The following NXPE2 variants were observed in gnomAD, a reference collection of about 807,000 sequenced individuals.
NXPE2 encodes the protein neurexophilin and PC-esterase domain family member 2.
Under a neutral mutation model 34.4 loss-of-function variants are expected in NXPE2, and 34 were observed. The ratio of observed to expected loss-of-function variants is 0.99; its 90% CI spans 0.75 to 1.31. The LOEUF is 1.31. NXPE2 is among the 40% of genes most tolerant of loss of function. The probability of loss-of-function intolerance (pLI) is 0.00; values close to 1 mark genes in which losing one functional copy is unlikely to be tolerated. For missense variants in NXPE2, 649 were observed against 672.5 expected, an observed-to-expected ratio of 0.97 and a Z score of 0.39; for synonymous variants, 235 against 231.3, an observed-to-expected ratio of 1.02 and a Z score of -0.15.
chr11:114,499,812 G>A, the NXPE2 span, among the ~76,000 whole-genome samples: 1 of 152,044 alleles, frequency 6.6e-6, no homozygotes, highest in Non-Finnish European at 1.5e-5. Flanking sequence ...GCTGATTTCT[G>A]TCCCTACTGA....
chr11:114,561,416 A>G, the NXPE2 span, among the ~76,000 whole-genome samples: 1 of 152,144 alleles, frequency 6.6e-6, no homozygotes, highest in Non-Finnish European at 1.5e-5. Context: ...CTCACTCACA[A>G]TTAGGCAATA....
At chr11:114,791,852 C>T in the NXPE2 span, among the ~76,000 whole-genome samples, 4 of 152,050 alleles carry the variant, frequency 2.6e-5, no homozygotes, top group Admixed American at 6.6e-5. Flanking sequence ...GTCAGGAGAT[C>T]GAGACCATCT....
At chr11:114,684,554 T>C (rs1381920668) in intron 2 of NXPE2, among the ~76,000 whole-genome samples, 1 of 152,168 alleles carries the variant, frequency 6.6e-6, no homozygotes, top group Non-Finnish European at 1.5e-5. Flanking sequence ...GCTAGTGATA[T>C]AATCCTGAGG....
chr11:114,781,989 G>A, the NXPE2 span, among the ~76,000 whole-genome samples: 6 of 152,176 alleles, frequency 3.9e-5, no homozygotes, highest in East Asian at 1.9e-4. Context: ...CTCGGTATCC[G>A]TGGTGGATTG....
the NXPE2 span, among the ~76,000 whole-genome samples, chr11:114,620,358 C>T: frequency 6.0e-5 from 9 of 151,158 alleles, no homozygotes; most frequent in East Asian, 2.0e-4. Flanking sequence ...CCACTGTTAC[C>T]GGTGGAAAAT....
the NXPE2 span, among the ~76,000 whole-genome samples, chr11:114,510,281 G>T: frequency 6.6e-6 from 1 of 152,144 alleles, no homozygotes; most frequent in Admixed American, 6.5e-5. Flanking sequence ...AGGCTGGAGT[G>T]CAGTGGTGTG....
downstream of NXPE2, among the ~76,000 whole-genome samples, chr11:114,707,090 A>ATTATT (rs1309435432): frequency 6.6e-6 from 1 of 152,090 alleles, no homozygotes; most frequent in East Asian, 1.9e-4. Context: ...AAGCCATTTT[A>ATTATT]TTATTTTATT....
the NXPE2 span, among the ~76,000 whole-genome samples, chr11:114,464,888 A>G: frequency 1.3e-5 from 2 of 152,226 alleles, no homozygotes; most frequent in African/African-American, 4.8e-5. Flanking sequence ...CAAATGAAGA[A>G]AGCATGAGAA....
At chr11:114,500,152 C>A in the NXPE2 span, among the ~76,000 whole-genome samples, 1 of 151,816 alleles carries the variant, frequency 6.6e-6, no homozygotes, top group Non-Finnish European at 1.5e-5. Flanking sequence ...AATTTCTGGG[C>A]CAAGGGGTAT....
chr11:114,539,644 G>T, the NXPE2 span, among the ~76,000 whole-genome samples: 1 of 151,998 alleles, frequency 6.6e-6, no homozygotes, highest in Non-Finnish European at 1.5e-5. Flanking sequence ...ATGGGAGATG[G>T]AATCTGATTA....
chr11:114,468,349 A>G, the NXPE2 span, among the ~76,000 whole-genome samples: 6 of 152,126 alleles, frequency 3.9e-5, no homozygotes, highest in African/African-American at 1.4e-4. Flanking sequence ...ACCCCAGGGT[A>G]AGTATGGCCA....
the NXPE2 span, among the ~76,000 whole-genome samples, chr11:114,607,628 A>G: frequency 6.6e-6 from 1 of 151,828 alleles, no homozygotes; most frequent in East Asian, 2.0e-4. Context: ...CCCGGTGGAT[A>G]AGTGTTGCCT....
the NXPE2 span, chr11:114,513,505 A>G: frequency 5.4e-6 from 1 of 184,116 alleles, no homozygotes; most frequent in East Asian, 1.4e-4. Context: ...ATGAAGCTGA[A>G]CCTGTCCTTA....
chr11:114,707,476 C>A (rs532166144), downstream of NXPE2: 6 of 366,716 alleles, frequency 1.6e-5, no homozygotes, highest in Non-Finnish European at 3.3e-5. Flanking sequence ...CTCATTGCAA[C>A]CTCTGCCTCC....
At chr11:114,619,457 G>T in the NXPE2 span, among the ~76,000 whole-genome samples, 1,967 of 149,298 alleles carry the variant, frequency 0.013, 24 homozygotes, top group African/African-American at 0.048. Context: ...AATAAGTGTT[G>T]CCTCGTGGGT....
chr11:114,616,162 GT>G, the NXPE2 span, among the ~76,000 whole-genome samples: 5 of 151,694 alleles, frequency 3.3e-5, no homozygotes, highest in African/African-American at 1.2e-4. Context: ...GGTAACCATG[GT>G]TACCCTGTGT....
the NXPE2 span, among the ~76,000 whole-genome samples, chr11:114,538,199 A>T: frequency 4.6e-5 from 7 of 152,234 alleles, no homozygotes; most frequent in African/African-American, 7.2e-5. Flanking sequence ...TATTTAATAA[A>T]TGGTGCTGGG....
At chr11:114,789,008 G>A in the NXPE2 span, among the ~76,000 whole-genome samples, 1 of 152,134 alleles carries the variant, frequency 6.6e-6, no homozygotes, top group South Asian at 2.1e-4. Context: ...AATAAGAAAT[G>A]CTTTCTTCTA....
chr11:114,664,661 G>C, the NXPE2 span, among the ~76,000 whole-genome samples: 1 of 152,208 alleles, frequency 6.6e-6, no homozygotes, highest in Middle Eastern at 3.4e-3. Flanking sequence ...AACTTGTGAG[G>C]GTTTGACTTA....
Sources: gnomAD v4.1 joint callset for allele counts (sites outside exome capture counted in the v4.1 genomes callset) on GRCh38, gnomAD v4.1.1 for gene constraint, MANE v1.5 for transcripts, NCBI Gene and HGNC (gene_info 2026-07-23, HGNC 2026-07-21) for gene names.